Variants in CCDC63 observed in about 807,000 individuals in gnomAD.
CCDC63 encodes coiled-coil domain containing 63, also known as coiled-coil domain-containing protein 63.
A neutral mutation model predicts 63.6 loss-of-function variants in CCDC63; 54 were observed. The observed-to-expected ratio is 0.85, with a 90% CI of 0.68 to 1.07. The LOEUF (loss-of-function observed/expected upper bound fraction) is 1.07, where lower values mean the gene tolerates loss of function less well. Among genes scored for constraint, CCDC63 ranks in the 50% least tolerant of loss-of-function variants. The pLI, the probability that CCDC63 is intolerant of heterozygous loss-of-function variation, is 0.00. For synonymous variants in CCDC63, 253 were observed against 266.1 expected (o/e 0.95, Z 0.48); for missense variants, 637 against 689.6 (o/e 0.92, Z 0.86).
chr12:110,893,023 A>T, intron 8 of CCDC63, 53 bp from the exon 9 acceptor site: 1 of 1,401,592 alleles, frequency 7.1e-7, no homozygotes, highest in South Asian at 1.2e-5. Context: ...TTTTGGGAGC[A>T]GTGGGGAGGG....
At chr12:110,853,318 C>A in intron 2 of CCDC63, 87 bp from the exon 3 acceptor site, 2 of 1,336,480 alleles carry the variant, frequency 1.5e-6, no homozygotes, top group Non-Finnish European at 2.1e-6. Context: ...CCAGCCACCC[C>A]CACTGCCCTT....
At chr12:110,847,779 C>G (rs2070658851) in intron 1 of CCDC63, among the ~76,000 whole-genome samples, 1 of 152,178 alleles carries the variant, frequency 6.6e-6, no homozygotes, top group Admixed American at 6.5e-5. Context: ...AGCTGCCTGT[C>G]CCAAGGTCCC....
chr12:110,894,061 T>C (rs912139422), intron 9 of CCDC63, among the ~76,000 whole-genome samples: 2 of 151,952 alleles, frequency 1.3e-5, no homozygotes, highest in African/African-American at 4.8e-5. Flanking sequence ...CTTTATGATG[T>C]CATCAGTGAC....
At chr12:110,872,771 G>A (rs939257016) in intron 4 of CCDC63, among the ~76,000 whole-genome samples, 1 of 152,120 alleles carries the variant, frequency 6.6e-6, no homozygotes, top group Admixed American at 6.5e-5. Flanking sequence ...AACTATAGGT[G>A]CATGCCACCA....
At position 110,881,116 on chromosome 12, in the gene CCDC63, G is replaced by A. The variant is rs1261084356; in HGVS notation, c.673G>A (p.Val225Met). 1.2e-6 allele frequency: 2 copies of A among 1,610,164 alleles called. No individual in the cohort carries two copies. The highest frequency in any genetic ancestry group is 1.7e-6 in the Non-Finnish European group (2 of 1,178,810). Residue 225 changes from valine (V) to methionine (M), a missense_variant and splice_region_variant, in exon 7 of 12, where the codon GTG (valine) becomes ATG (methionine). Val to Met is a conservative substitution (Grantham distance 21, BLOSUM62 1). Coordinates refer to ENST00000308208, the MANE Select transcript of CCDC63 (RefSeq NM_152591.3). ...EQSSQAYEQRVEAMARMAAMK... is the reference protein window; with the variant it reads ...EQSSQAYEQRMEAMARMAAMK... ...AGGCTCTGTACTCCCTTTGCCCAGG[G>A]TGGAGGCCATGGCTCGAATGGCTGC...
intron 5 of CCDC63, among the ~76,000 whole-genome samples, chr12:110,874,399 G>A (rs1037867546): frequency 3.3e-5 from 5 of 152,158 alleles, no homozygotes; most frequent in African/African-American, 1.2e-4. Context: ...TGGGAAAGGT[G>A]ACACTGATCA....
chr12:110,848,125 A>G (rs1265179234), intron 1 of CCDC63, among the ~76,000 whole-genome samples: 2 of 152,162 alleles, frequency 1.3e-5, no homozygotes. Context: ...TCAAATTCCT[A>G]CTGGCTCTAG....
rs1029235822 is a variant in CCDC63, at chr12:110,881,281, G to A, written c.838G>A (p.Ala280Thr). 1.2e-6 allele frequency: 2 copies of A among 1,613,208 alleles called. No individual in the cohort carries two copies. Among genetic ancestry groups the A allele is most frequent in the Non-Finnish European group, 8.5e-7 (1 of 1,179,698 alleles). ...LNDRNEFEEQ[A>T]KREEALKAKK... Reference sequence around the variant, plus strand: ...TGATCGCAATGAATTCGAGGAGCAGGCCAAAAGGGAGGAAGGTACACCCTC... The same window carrying A: ...TGATCGCAATGAATTCGAGGAGCAGACCAAAAGGGAGGAAGGTACACCCTC... The change falls in exon 7 of 12, where the codon GCC becomes ACC. Residue 280 changes from alanine (A) to threonine (T), a missense_variant. Ala to Thr is a moderately conservative substitution (Grantham distance 58). Transcript: ENST00000308208.
In CCDC63 at chr12:110,880,029, A is replaced by G; in HGVS notation, c.613A>G (p.Met205Val). ...VYQQLQHCLLMEKKTMNLAIE... is the reference protein window; with the variant it reads ...VYQQLQHCLLVEKKTMNLAIE... ...CCAGCAGCTCCAGCACTGCCTGTTG[A>G]TGGAGAAGAAAACCATGAACTTGGC... is the stretch of plus-strand genomic sequence containing the variant. The change falls in exon 6 of 12, where the codon ATG becomes GTG. Residue 205 changes from methionine to valine, a missense_variant. Met to Val is a conservative substitution (Grantham distance 21). Coordinates refer to ENST00000308208, the MANE Select transcript of CCDC63 (RefSeq NM_152591.3). 6.2e-7 allele frequency: 1 copy of G among 1,614,154 alleles called. No homozygotes were observed. The highest frequency in any genetic ancestry group is 1.1e-5 in the South Asian group (1 of 91,074).
intron 8 of CCDC63, among the ~76,000 whole-genome samples, chr12:110,886,469 G>A (rs1457145170): frequency 1.3e-5 from 2 of 152,080 alleles, no homozygotes; most frequent in Non-Finnish European, 2.9e-5. Context: ...TTTTTAAAAA[G>A]GGACTGTTTC....
rs1438273044 is a variant in CCDC63, at chr12:110,858,900, C to T, written c.369+125C>T. The T allele has an allele frequency of 1.5e-5, 11 of 744,598 alleles. 1 individual carries two copies. Among genetic ancestry groups the T allele is most frequent in the South Asian group, 5.7e-5 (3 of 52,554 alleles). The allele number at this position is 744,598 out of a possible 1,614,324, so 46.1% of individuals were successfully genotyped here. A position where few individuals can be genotyped will look rare whatever the true frequency, so the allele number is the denominator to read the frequency against. On this transcript the variant is annotated intron_variant, in intron 4 of 11. Transcript: ENST00000308208. ...ATCACAGTATCTCCTCTGGACAGCCCGCTAAATGTGACTGCTGCTATCGTC... is the reference window on the plus strand; with the variant it reads ...ATCACAGTATCTCCTCTGGACAGCCTGCTAAATGTGACTGCTGCTATCGTC...
At chr12:110,891,562 G>T (rs192074625) in intron 8 of CCDC63, among the ~76,000 whole-genome samples, 1 of 145,418 alleles carries the variant, frequency 6.9e-6, no homozygotes, top group African/African-American at 2.6e-5. Context: ...TGGGAGGATC[G>T]CAGTCAAGGC....
intron 1 of CCDC63, among the ~76,000 whole-genome samples, chr12:110,851,439 C>T (rs2070704020): frequency 6.6e-6 from 1 of 152,162 alleles, no homozygotes; most frequent in Non-Finnish European, 1.5e-5. Flanking sequence ...AGTGTTCCAG[C>T]TTAAATTCCA....
At chr12:110,877,276 G>A (rs972765405) in intron 5 of CCDC63, among the ~76,000 whole-genome samples, 8 of 149,310 alleles carry the variant, frequency 5.4e-5, no homozygotes, top group African/African-American at 7.4e-5. Flanking sequence ...GCAATGGCAC[G>A]ATCTTGGCTC....
chr12:110,862,081 A>C (rs1180582173), intron 4 of CCDC63, among the ~76,000 whole-genome samples: 3 of 152,210 alleles, frequency 2.0e-5, no homozygotes, highest in East Asian at 3.8e-4. Flanking sequence ...CTGGCACCAG[A>C]GCAGGTGTTT....
At chr12:110,852,715 C>T in intron 1 of CCDC63, 144 bp from the exon 2 acceptor site, 1 of 615,174 alleles carries the variant, frequency 1.6e-6, no homozygotes, top group South Asian at 1.9e-5. Context: ...TTTGTCACAC[C>T]CGGGCAGCCA....
chr12:110,904,750 C>A lies in CCDC63; in HGVS notation c.1505C>A (p.Pro502Gln). 1 of 1,613,994 alleles carries A rather than the reference C, an allele frequency of 6.2e-7. No homozygotes were observed. ...KPPEPIKVIP[P>Q]VLGADPFSDR... ...CCAGAACCCATCAAAGTCATCCCCC[C>A]AGTGCTGGGGGCTGACCCCTTCAGC... The change falls in exon 11 of 12, where the codon CCA becomes CAA. Residue 502 changes from proline (P) to glutamine (Q), a missense_variant. Physicochemically the swap from Pro to Gln is moderately conservative, Grantham distance 76 (BLOSUM62 -1). Coordinates refer to ENST00000308208, the MANE Select transcript of CCDC63 (RefSeq NM_152591.3).
At chr12:110,880,340 A>G (rs2071183551) in intron 6 of CCDC63, among the ~76,000 whole-genome samples, 2 of 152,118 alleles carry the variant, frequency 1.3e-5, no homozygotes, top group Admixed American at 6.5e-5. Context: ...AGGCTTAGAG[A>G]TGCTAAAATG....
At chr12:110,852,711 A>G in intron 1 of CCDC63, 148 bp from the exon 2 acceptor site, 2 of 608,178 alleles carry the variant, frequency 3.3e-6, no homozygotes, top group Non-Finnish European at 5.9e-6. Flanking sequence ...GCCTTTTGTC[A>G]CACCCGGGCA....
Sources: allele counts gnomAD v4.1 joint callset (sites outside exome capture counted in the v4.1 genomes callset), GRCh38; gene constraint gnomAD v4.1.1; transcripts MANE v1.5; gene names NCBI Gene and HGNC (gene_info 2026-07-23, HGNC 2026-07-21).